WIPF2: variants seen among roughly 807,000 people sequenced by gnomAD.
WIPF2 encodes the protein WAS/WASL interacting protein family member 2, also known as WAS/WASL-interacting protein family member 2.
In WIPF2, 23 loss-of-function variants were observed where a neutral mutation model predicts 38.8. The observed-to-expected ratio is 0.59, with a 90% CI of 0.43 to 0.84. The LOEUF is 0.84. Among genes scored for constraint, WIPF2 ranks in the 40% least tolerant of loss-of-function variants. The pLI is 0.00. For synonymous variants in WIPF2, 210 were observed against 223.2 expected (o/e 0.94, Z 0.53); for missense variants, 574 against 580.5 (o/e 0.99, Z 0.11).
rs58758484 is a variant in WIPF2, at chr17:40,222,654, GTTTTTTTTTTTTTTTTTT to G, written c.-70+3178_-70+3195del. Among the ~76,000 whole-genome samples, 11 of 52,820 alleles carry G rather than the reference GTTTTTTTTTTTTTTTTTT, an allele frequency of 2.1e-4. No homozygotes were observed. The South Asian group carries it at 3.1e-3, about 15-fold the overall frequency. 34.7% of individuals were successfully genotyped at this position (52,820 alleles called of 152,430 possible). ...CTGGTTTTGATTTGATGCATATTCA[GTTTTTTTTTTTTTTTTTT>G]TTTTTTTTTTTTTTTGAGACAGAGT... On this transcript the variant is annotated intron_variant, in intron 1 of 7. Coordinates refer to ENST00000323571, the MANE Select transcript of WIPF2 (RefSeq NM_133264.5).
rs754281859 is a variant in WIPF2, at chr17:40,262,666, G to T, written c.313+25G>T. ...GGTATCTGATGAGTACTTTCCCAGGGTATTTCCCTGGTGTGTTAATTTCTG... is the reference window on the plus strand; with the variant it reads ...GGTATCTGATGAGTACTTTCCCAGGTTATTTCCCTGGTGTGTTAATTTCTG... On this transcript the variant is annotated intron_variant, in intron 4 of 7. Coordinates refer to ENST00000323571, the MANE Select transcript of WIPF2 (RefSeq NM_133264.5). The T allele has an allele frequency of 5.7e-6, 9 of 1,587,554 alleles. No individual in the cohort carries two copies. The East Asian group carries it at 1.8e-4, about 32-fold the overall frequency.
chr17:40,269,573 T>C (rs902722217), intron 5 of WIPF2, among the ~76,000 whole-genome samples: 4 of 150,484 alleles, frequency 2.7e-5, no homozygotes, highest in Non-Finnish European at 3.0e-5. Flanking sequence ...GTTTCAAGAA[T>C]TTTTTCTTTG....
chr17:40,226,617 C>T (rs2030502667), intron 1 of WIPF2, among the ~76,000 whole-genome samples: 1 of 152,144 alleles, frequency 6.6e-6, no homozygotes, highest in South Asian at 2.1e-4. Context: ...TCCCAGTGCT[C>T]ACCTAGTAGG....
At chr17:40,224,818 C>A (rs1024405128) in intron 1 of WIPF2, among the ~76,000 whole-genome samples, 2 of 151,966 alleles carry the variant, frequency 1.3e-5, no homozygotes, top group Non-Finnish European at 2.9e-5. Flanking sequence ...TGTAGAGACA[C>A]AAACTGGGCC....
At chr17:40,277,574 G>C (rs796282286) in intron 7 of WIPF2, among the ~76,000 whole-genome samples, 4 of 151,866 alleles carry the variant, frequency 2.6e-5, no homozygotes, top group African/African-American at 9.7e-5. Flanking sequence ...CCAGCTACTC[G>C]GGAGGCTGAG....
intron 6 of WIPF2, among the ~76,000 whole-genome samples, chr17:40,275,240 CAAA>C (rs58914738): frequency 0.032 from 1,940 of 60,158 alleles, 26 homozygotes; most frequent in Non-Finnish European, 0.049. Flanking sequence ...GACTCCGTCT[CAAA>C]AAAAAAAAAA....
In WIPF2 at chr17:40,279,658, C is replaced by T. The variant is rs1390623266; in HGVS notation, c.*1433C>T. 1 of 152,468 alleles carries T rather than the reference C, an allele frequency of 6.6e-6. No homozygotes were observed. The highest frequency in any genetic ancestry group is 1.5e-5 in the Non-Finnish European group (1 of 68,072). 9.4% of individuals were successfully genotyped at this position (152,468 alleles called of 1,614,324 possible). On this transcript the variant is annotated 3_prime_UTR_variant, in exon 8 of 8. Transcript: ENST00000323571. ...TTTTTTCCGACAGCAGGATGGGGCT[C>T]TTGGGCTCCACACACCAGATGCTTT... is the stretch of plus-strand genomic sequence containing the variant.
intron 1 of WIPF2, among the ~76,000 whole-genome samples, chr17:40,220,726 C>T (rs1027563394): frequency 2.0e-5 from 3 of 148,260 alleles, no homozygotes; most frequent in African/African-American, 5.0e-5. Context: ...TCTCGGCCTC[C>T]GCAAGTGCTG....
At chr17:40,263,546 T>TCCC (rs71152659) in intron 4 of WIPF2, among the ~76,000 whole-genome samples, 2 of 85,916 alleles carry the variant, frequency 2.3e-5, no homozygotes, top group African/African-American at 4.6e-5. Context: ...TATTTATTCG[T>TCCC]CCCCCCCCCC....
chr17:40,275,527 G>C (rs920968153), intron 6 of WIPF2, among the ~76,000 whole-genome samples: 7 of 151,996 alleles, frequency 4.6e-5, no homozygotes, highest in African/African-American at 1.7e-4. Flanking sequence ...AGGACCCTTG[G>C]AAGAAATCTC....
rs762393328 is a variant in WIPF2, at chr17:40,256,476, C to A, written c.17C>A (p.Pro6His). 3 of 1,608,370 alleles carry A rather than the reference C, an allele frequency of 1.9e-6. No individual in the cohort carries two copies. The highest frequency in any genetic ancestry group is 2.5e-6 in the Non-Finnish European group (3 of 1,177,876). Residue 6 changes from proline (P) to histidine (H), a missense_variant, in exon 2 of 8, where the codon CCC (proline) becomes CAC (histidine). Coordinates refer to ENST00000323571, the MANE Select transcript of WIPF2 (RefSeq NM_133264.5). ...AGGGCAAGAATGCCAATTCCTCCTCCCCCGCCACCCCCACCTGGTCCTCCT... is the reference window on the plus strand; with the variant it reads ...AGGGCAAGAATGCCAATTCCTCCTCACCCGCCACCCCCACCTGGTCCTCCT... The part of the protein sequence containing the change: MPIPP[P>H]PPPPPGPPPP...
At chr17:40,237,241 CTTT>C (rs533124301) in intron 1 of WIPF2, among the ~76,000 whole-genome samples, 3 of 129,460 alleles carry the variant, frequency 2.3e-5, no homozygotes, top group Non-Finnish European at 3.3e-5. Flanking sequence ...TCAATTTTTC[CTTT>C]TTTTTTTTTT....
chr17:40,278,151 G>C (rs1394445459), intron 7 of WIPF2, 34 bp from the exon 8 acceptor site: 1 of 1,603,648 alleles, frequency 6.2e-7, no homozygotes, highest in Non-Finnish European at 8.5e-7. Flanking sequence ...TGGGTGACCT[G>C]TATGTGTGTG....
Position 40,259,778 on chromosome 17 carries a change from A to G in WIPF2, c.64-757A>G, listed in dbSNP as rs948845427. On this transcript the variant is annotated intron_variant, in intron 2 of 7. Coordinates refer to ENST00000323571, the MANE Select transcript of WIPF2 (RefSeq NM_133264.5). ...TCAGCTTCTGGCCCACCCTTTCCAA[A>G]TGGCGACAATGATAATAATACCTTT... Among the ~76,000 whole-genome samples, 3 of 152,306 alleles carry G rather than the reference A, an allele frequency of 2.0e-5. 1 individual carries two copies. Among genetic ancestry groups the G allele is most frequent in the South Asian group, 2.1e-4 (1 of 4,826 alleles).
chr17:40,252,356 C>T (rs1227410507), intron 1 of WIPF2, among the ~76,000 whole-genome samples: 1 of 152,048 alleles, frequency 6.6e-6, no homozygotes, highest in East Asian at 1.9e-4. Context: ...TGGCAATGGC[C>T]AATGGCTGAT....
At chr17:40,273,532 A>G in intron 5 of WIPF2, 1 of 459,982 alleles carries the variant, frequency 2.2e-6, no homozygotes, top group Non-Finnish European at 3.8e-6. Flanking sequence ...TTGTGGAGGA[A>G]GGCATGGAAA....
At chr17:40,220,611 ATATATATG>A (rs1482893120) in intron 1 of WIPF2, 21 of 84,572 alleles carry the variant, frequency 2.5e-4, no homozygotes, top group Admixed American at 8.8e-4. Context: ...ATATATATAT[ATATATATG>A]TATATATATA....
At chr17:40,239,987 G>A (rs1598474996) in intron 1 of WIPF2, among the ~76,000 whole-genome samples, 2 of 151,740 alleles carry the variant, frequency 1.3e-5, no homozygotes, top group Admixed American at 6.6e-5. Context: ...ATGAGCCACC[G>A]AGCCTGGCCT....
In WIPF2 at chr17:40,264,730, G is replaced by T; in HGVS notation, c.554G>T (p.Arg185Leu). The T allele has an allele frequency of 2.5e-6, 4 of 1,600,742 alleles. No homozygotes were observed. The highest frequency in any genetic ancestry group is 3.4e-6 in the Non-Finnish European group (4 of 1,174,848). ...SAPPPPPPGRRANAPPTPLPM... is the reference protein window; with the variant it reads ...SAPPPPPPGRLANAPPTPLPM... ...CCTCCCCCACCACCCCCAGGGCGGC[G>T]TGCCAACGCACCCCCCACACCTCTG... The change falls in exon 5 of 8, where the codon CGT becomes CTT. Residue 185 changes from arginine to leucine, a missense_variant. Transcript: ENST00000323571.
Sources: gnomAD v4.1 joint callset for allele counts (sites outside exome capture counted in the v4.1 genomes callset) on GRCh38, gnomAD v4.1.1 for gene constraint, MANE v1.5 for transcripts, NCBI Gene and HGNC (gene_info 2026-07-23, HGNC 2026-07-21) for gene names.